Variants in ELOVL2 observed in about 807,000 individuals in gnomAD.
The protein encoded by ELOVL2 is ELOVL fatty acid elongase 2.
In ELOVL2, 38 loss-of-function variants were observed where a neutral mutation model predicts 37.7. That is an observed-to-expected ratio of 1.01 (90% CI 0.78 to 1.32). The LOEUF (loss-of-function observed/expected upper bound fraction) is 1.32, where lower values mean the gene tolerates loss of function less well. Ranked by LOEUF, ELOVL2 falls within the 40% of genes most tolerant of loss-of-function variation. The probability of loss-of-function intolerance (pLI) is 0.00; values close to 1 mark genes in which losing one functional copy is unlikely to be tolerated. For synonymous variants in ELOVL2, 115 were observed against 122.3 expected, an observed-to-expected ratio of 0.94 and a Z score of 0.40; for missense variants, 352 against 363.6, an observed-to-expected ratio of 0.97 and a Z score of 0.26.
chr6:11,021,743 C>A (rs1782767708), intron 1 of ELOVL2, among the ~76,000 whole-genome samples: 1 of 152,140 alleles, frequency 6.6e-6, no homozygotes, highest in Admixed American at 6.5e-5. Flanking sequence ...ATCTTTTAAA[C>A]AGCAGTTTTC....
rs767215972 is a variant in ELOVL2 at position 11,005,465 on chromosome 6, C to G, written c.162G>C (p.Lys54Asn). The G allele has an allele frequency of 1.2e-6, 2 of 1,614,076 alleles. No homozygotes were observed. Among genetic ancestry groups the G allele is most frequent in the Non-Finnish European group, 1.7e-6 (2 of 1,179,974 alleles). ...AAAGAGCAGGTCTGTTCTTCATATA[C>G]TTGTTACCCAGCCATATTGAGAGCA... ...MYLLSIWLGNKYMKNRPALSL... is the reference protein window; with the variant it reads ...MYLLSIWLGNNYMKNRPALSL... The change falls in exon 3 of 8, where the codon AAG becomes AAC. Residue 54 changes from lysine to asparagine, a missense_variant. Physicochemically the swap from Lys to Asn is moderately conservative, Grantham distance 94. Transcript: ENST00000354666.
At position 10,981,669 on chromosome 6, in the gene ELOVL2, T is replaced by C. The variant is rs762450792; in HGVS notation, c.*2112A>G. The C allele has an allele frequency of 2.0e-5, 3 of 152,280 alleles. No homozygotes were observed. Among genetic ancestry groups the C allele is most frequent in the Admixed American group, 1.3e-4 (2 of 15,282 alleles). 9.4% of individuals were successfully genotyped at this position (152,280 alleles called of 1,614,324 possible). Reference sequence around the variant, plus strand: ...CAGCTCCCTCCTTGCCATACAGATATGAAGCCCAGGAAAACATCCAGAGTG... The same window carrying C: ...CAGCTCCCTCCTTGCCATACAGATACGAAGCCCAGGAAAACATCCAGAGTG... On this transcript the variant is annotated 3_prime_UTR_variant, in exon 8 of 8. Transcript: ENST00000354666.
At chr6:11,021,053 T>A (rs1458086924) in intron 1 of ELOVL2, among the ~76,000 whole-genome samples, 1 of 152,220 alleles carries the variant, frequency 6.6e-6, no homozygotes, top group Non-Finnish European at 1.5e-5. Flanking sequence ...TGAAAAACTT[T>A]AAAAAATTAA....
intron 7 of ELOVL2, among the ~76,000 whole-genome samples, chr6:10,987,080 G>A (rs2113465851): frequency 1.3e-5 from 2 of 152,284 alleles, no homozygotes; most frequent in Middle Eastern, 6.8e-3. Flanking sequence ...AGTCTTGGGA[G>A]GGTGTATGTG....
At chr6:11,008,534 C>T (rs981517104) in intron 2 of ELOVL2, among the ~76,000 whole-genome samples, 9 of 152,010 alleles carry the variant, frequency 5.9e-5, no homozygotes, top group African/African-American at 2.2e-4. Flanking sequence ...GGCTCCGGGT[C>T]CTGCATGCCT....
intron 1 of ELOVL2, among the ~76,000 whole-genome samples, chr6:11,037,144 G>C (rs1264661197): frequency 6.9e-6 from 1 of 144,092 alleles, no homozygotes; most frequent in Non-Finnish European, 1.5e-5. Context: ...GGGAGAGAGA[G>C]ACAGAGAGGC....
At chr6:11,030,244 T>C (rs1170117471) in intron 1 of ELOVL2, among the ~76,000 whole-genome samples, 1 of 152,150 alleles carries the variant, frequency 6.6e-6, no homozygotes, top group Non-Finnish European at 1.5e-5. Flanking sequence ...AGATGCCAAT[T>C]CAGTCAGCCA....
chr6:11,031,964 G>A (rs545216218), intron 1 of ELOVL2, among the ~76,000 whole-genome samples: 4 of 152,082 alleles, frequency 2.6e-5, no homozygotes, highest in Admixed American at 2.0e-4. Flanking sequence ...TCCCATATCT[G>A]CACCAGACTT....
At chr6:10,995,971 C>T (rs922058850) in intron 4 of ELOVL2, among the ~76,000 whole-genome samples, 23 of 152,172 alleles carry the variant, frequency 1.5e-4, no homozygotes, top group Admixed American at 3.9e-4. Context: ...GTCTTTTCCT[C>T]AGATGACTAG....
chr6:11,039,085 C>G (rs1227567712), intron 1 of ELOVL2, among the ~76,000 whole-genome samples: 1 of 152,164 alleles, frequency 6.6e-6, no homozygotes, highest in Non-Finnish European at 1.5e-5. Flanking sequence ...ACATAAAGCT[C>G]TCTGGGGGAA....
intron 1 of ELOVL2, among the ~76,000 whole-genome samples, chr6:11,023,435 C>A (rs1782794444): frequency 6.6e-6 from 1 of 152,110 alleles, no homozygotes. Context: ...TTATTTCTAA[C>A]TTTTTAGGCA....
intron 1 of ELOVL2, among the ~76,000 whole-genome samples, chr6:11,038,410 G>A (rs1288167103): frequency 6.6e-6 from 1 of 152,090 alleles, no homozygotes; most frequent in Non-Finnish European, 1.5e-5. Flanking sequence ...GAACCCTGGA[G>A]TCAGAGGTTG....
intron 6 of ELOVL2, among the ~76,000 whole-genome samples, 191 bp downstream of exon 6, chr6:10,990,127 C>A (rs150370441): frequency 6.6e-6 from 1 of 152,288 alleles, no homozygotes; most frequent in Non-Finnish European, 1.5e-5. Context: ...AAGCAAGGAA[C>A]TTTCCATTAT....
Position 10,983,371 on chromosome 6 carries a change from C to A in ELOVL2, c.*410G>T. 6.5e-6 allele frequency: 1 copy of A among 154,578 alleles called. No individual in the cohort carries two copies. Among genetic ancestry groups the A allele is most frequent in the Non-Finnish European group, 1.4e-5 (1 of 69,578 alleles). The allele number at this position is 154,578 out of a possible 1,614,324, so 9.6% of individuals were successfully genotyped here. The stretch of plus-strand genomic sequence containing the variant: ...TTGCTTAATATAGATTAGAACATAC[C>A]CTGTATTTAGAATATAATTAACATT... On this transcript the variant is annotated 3_prime_UTR_variant, in exon 8 of 8. Transcript: ENST00000354666.
Position 10,983,144 on chromosome 6 carries a change from ATAT to A in ELOVL2, c.*634_*636del, listed in dbSNP as rs1308397826. The A allele has an allele frequency of 1.3e-5, 2 of 152,214 alleles. No individual in the cohort carries two copies. Among genetic ancestry groups the A allele is most frequent in the African/African-American group, 4.8e-5 (2 of 41,452 alleles). 9.4% of individuals were successfully genotyped at this position (152,214 alleles called of 1,614,324 possible). A position where few individuals can be genotyped will look rare whatever the true frequency, so the allele number is the denominator to read the frequency against. On this transcript the variant is annotated 3_prime_UTR_variant, in exon 8 of 8. Coordinates refer to ENST00000354666, the MANE Select transcript of ELOVL2 (RefSeq NM_017770.4). ...CATTTTTTTCTCCTTAGAATAACTA[ATAT>A]TTAAAATAAATACCAATTTCATTAC...
chr6:10,994,047 A>G (rs1782218603), intron 5 of ELOVL2, among the ~76,000 whole-genome samples: 1 of 149,554 alleles, frequency 6.7e-6, no homozygotes, highest in Admixed American at 6.7e-5. Flanking sequence ...GCATGGTGGT[A>G]TATGCGGGTA....
Position 10,995,096 on chromosome 6 carries a change from GT to G in ELOVL2, c.415del (p.Thr139ArgfsTer23). On this transcript the variant is annotated frameshift_variant, in exon 5 of 8. Transcript: ENST00000354666. LOFTEE classifies it high-confidence loss of function. ...DTIFFVLRKK[T>X]SQITFLHVYH... The stretch of plus-strand genomic sequence containing the variant: ...TACATGAAGAAAAGTAATCTGACTC[GT>G]TTTTTTCCGCAAAACGAAGAAAATT... The G allele has an allele frequency of 2.5e-6, 4 of 1,612,676 alleles. No homozygotes were observed. Among genetic ancestry groups the G allele is most frequent in the Non-Finnish European group, 3.4e-6 (4 of 1,178,892 alleles).
At chr6:10,995,259 G>A in intron 4 of ELOVL2, 81 bp from the exon 5 acceptor site, 1 of 1,074,782 alleles carries the variant, frequency 9.3e-7, no homozygotes, top group South Asian at 1.7e-5. Flanking sequence ...CCTTCTGCCT[G>A]CTGCCTGTGG....
chr6:11,017,248 C>T (rs16870891), intron 1 of ELOVL2, among the ~76,000 whole-genome samples: 12,761 of 152,150 alleles, frequency 0.084, 1,711 homozygotes, highest in African/African-American at 0.28. Flanking sequence ...ATGGTTGTCA[C>T]AATAACCTTG....
Sources: gnomAD v4.1 joint callset for allele counts (sites outside exome capture counted in the v4.1 genomes callset) on GRCh38, gnomAD v4.1.1 for gene constraint, MANE v1.5 for transcripts, NCBI Gene and HGNC (gene_info 2026-07-23, HGNC 2026-07-21) for gene names.